Variants in ITGB6 observed in about 807,000 individuals in gnomAD.
ITGB6 encodes the protein integrin beta-6.
In ITGB6, 80 loss-of-function variants were observed where a neutral mutation model predicts 84.5. That is an observed-to-expected ratio of 0.95 (90% CI 0.79 to 1.14). ITGB6 has a LOEUF of 1.14. Among genes scored for constraint, ITGB6 ranks in the 50% most tolerant of loss-of-function variants. The probability of loss-of-function intolerance (pLI) is 0.00; values close to 1 mark genes in which losing one functional copy is unlikely to be tolerated. For synonymous variants in ITGB6, 383 were observed against 354.9 expected (o/e 1.08, Z -0.89); for missense variants, 1,006 against 968.0 (o/e 1.04, Z -0.52).
intron 4 of ITGB6, among the ~76,000 whole-genome samples, chr2:160,187,199 A>AT (rs889840283): frequency 1.1e-4 from 17 of 152,084 alleles, no homozygotes; most frequent in Non-Finnish European, 1.6e-4. Flanking sequence ...AACAAATGTG[A>AT]TTTTTTTTGA....
chr2:160,157,759 A>C (rs1024382006), intron 7 of ITGB6, among the ~76,000 whole-genome samples: 19 of 151,850 alleles, frequency 1.3e-4, no homozygotes, highest in African/African-American at 4.6e-4. Flanking sequence ...AAAAAAAAAA[A>C]AAAAAAAAAA....
Position 160,195,406 on chromosome 2 carries a change from C to CA in ITGB6, c.555dup (p.Val186CysfsTer14), listed in dbSNP as rs1686292135. 1.9e-6 allele frequency: 3 copies of CA among 1,614,042 alleles called. No individual in the cohort carries two copies. The highest frequency in any genetic ancestry group is 3.3e-5 in the Admixed American group (2 of 60,004). On this transcript the variant is annotated frameshift_variant, in exon 4 of 15. Coordinates refer to ENST00000283249, the MANE Select transcript of ITGB6 (RefSeq NM_000888.5). LOFTEE classifies it high-confidence loss of function. ...GCAATTTCTTCTGGTGTTGTTTTCA[C>CA]AAAAGGGGATACAGGTTTTTCCACA...
chr2:160,185,738 T>C (rs1466694191), intron 4 of ITGB6, among the ~76,000 whole-genome samples: 1 of 152,156 alleles, frequency 6.6e-6, no homozygotes, highest in Non-Finnish European at 1.5e-5. Context: ...AAAGCTACAG[T>C]AACCAAAACA....
intron 4 of ITGB6, among the ~76,000 whole-genome samples, chr2:160,179,779 C>G (rs940191531): frequency 6.6e-6 from 1 of 151,690 alleles, no homozygotes; most frequent in African/African-American, 2.4e-5. Flanking sequence ...ACAAAAAACA[C>G]CACAGTATAC....
At chr2:160,163,276 A>G (rs1032220890) in intron 7 of ITGB6, among the ~76,000 whole-genome samples, 25 of 152,172 alleles carry the variant, frequency 1.6e-4, no homozygotes, top group African/African-American at 5.3e-4. Context: ...TTTACAGGGA[A>G]TTCATCTATT....
At chr2:160,133,408 G>GAAATTCAT (rs1683551924) in intron 10 of ITGB6, among the ~76,000 whole-genome samples, 1 of 152,120 alleles carries the variant, frequency 6.6e-6, no homozygotes, top group Non-Finnish European at 1.5e-5. Context: ...GATTCATAAA[G>GAAATTCAT]AAAGTCCTTA....
intron 8 of ITGB6, 52 bp from the exon 9 acceptor site, chr2:160,138,251 C>T: frequency 6.7e-7 from 1 of 1,500,724 alleles, no homozygotes; most frequent in Non-Finnish European, 8.9e-7. Flanking sequence ...AAAAATATAG[C>T]CAGAAGAAGA....
At chr2:160,190,278 A>G (rs1686089824) in intron 4 of ITGB6, among the ~76,000 whole-genome samples, 1 of 152,002 alleles carries the variant, frequency 6.6e-6, no homozygotes, top group African/African-American at 2.4e-5. Flanking sequence ...TGGGTGCAGC[A>G]CACCAACATG....
chr2:160,110,417 A>C (rs1682440424), intron 13 of ITGB6, among the ~76,000 whole-genome samples: 1 of 152,162 alleles, frequency 6.6e-6, no homozygotes, highest in African/African-American at 2.4e-5. Flanking sequence ...TAATATTACT[A>C]TTGTTACAGC....
In ITGB6 at chr2:160,141,863, T is replaced by A. The variant is rs536760965; in HGVS notation, c.1107+119A>T. The stretch of plus-strand genomic sequence containing the variant: ...ATTTTGGCTGCATTCATGCAGAGAC[T>A]TTTTTTGGATAAGCACTCTCTCTAC... On this transcript the variant is annotated intron_variant, in intron 8 of 14. Transcript: ENST00000283249. The A allele has an allele frequency of 3.9e-5, 24 of 620,772 alleles. No homozygotes were observed. In the African/African-American group the frequency reaches 4.3e-4, roughly 11 times the overall value. The allele number at this position is 620,772 out of a possible 1,614,324, so 38.5% of individuals were successfully genotyped here. A position where few individuals can be genotyped will look rare whatever the true frequency, so the allele number is the denominator to read the frequency against.
At chr2:160,121,852 T>A (rs896266941) in intron 12 of ITGB6, among the ~76,000 whole-genome samples, 1 of 151,054 alleles carries the variant, frequency 6.6e-6, no homozygotes, top group African/African-American at 2.4e-5. Context: ...ACTCACAGCA[T>A]AACTGAGGAA....
intron 7 of ITGB6, among the ~76,000 whole-genome samples, chr2:160,159,518 C>T (rs1005801659): frequency 3.3e-5 from 5 of 152,148 alleles, no homozygotes; most frequent in African/African-American, 1.2e-4. Flanking sequence ...GCCTGCTACC[C>T]ATAGAATAGC....
chr2:160,164,388 G>A (rs971933186), intron 7 of ITGB6, among the ~76,000 whole-genome samples: 2 of 152,144 alleles, frequency 1.3e-5, no homozygotes, highest in South Asian at 2.1e-4. Context: ...TTTAGATCTC[G>A]CATTATTGAA....
At position 160,145,439 on chromosome 2, in the gene ITGB6, T is replaced by C. The variant is rs187855721; in HGVS notation, c.1018-3368A>G. 2.3e-3 allele frequency among the ~76,000 whole-genome samples: 343 copies of C among 152,320 alleles called. 1 individual carries two copies. Among genetic ancestry groups the C allele is most frequent in the African/African-American group, 7.7e-3 (321 of 41,564 alleles). ...AACTTCCTTCTTCAAGTCCTATTTA[T>C]CTCTTCACTCGGCCCCATCTCCAAA... On this transcript the variant is annotated intron_variant, in intron 7 of 14. Coordinates refer to ENST00000283249, the MANE Select transcript of ITGB6 (RefSeq NM_000888.5).
chr2:160,186,420 C>T (rs1337443643), intron 4 of ITGB6, among the ~76,000 whole-genome samples: 2 of 152,028 alleles, frequency 1.3e-5, no homozygotes, highest in African/African-American at 2.4e-5. Flanking sequence ...AATGAGATAC[C>T]ATCTCATGCC....
intron 4 of ITGB6, 57 bp downstream of exon 4, chr2:160,195,312 G>C: frequency 1.2e-6 from 2 of 1,605,272 alleles, no homozygotes; most frequent in South Asian, 2.2e-5. Flanking sequence ...AGCTCAGAGC[G>C]GGAGTATCTC....
intron 11 of ITGB6, 105 bp downstream of exon 11, chr2:160,126,274 C>T: frequency 9.4e-7 from 1 of 1,062,016 alleles, no homozygotes; most frequent in Non-Finnish European, 1.4e-6. Context: ...GTTTGGAGAC[C>T]AAACCAGCAA....
In ITGB6 at chr2:160,151,371, G is replaced by A. The variant is rs916393173; in HGVS notation, c.1018-9300C>T. Reference sequence around the variant, plus strand: ...CTGGGTACATAACAAAATGAAGGCAGAAATAAAGATGTTCTTTGAAACCAA... The same window carrying A: ...CTGGGTACATAACAAAATGAAGGCAAAAATAAAGATGTTCTTTGAAACCAA... On this transcript the variant is annotated intron_variant, in intron 7 of 14. Transcript: ENST00000283249. Among the ~76,000 whole-genome samples, 2 of 152,142 alleles carry A rather than the reference G, an allele frequency of 1.3e-5. 1 individual carries two copies. The highest frequency in any genetic ancestry group is 4.1e-4 in the South Asian group (2 of 4,828).
rs1385780826 is a variant in ITGB6 at position 160,126,407 on chromosome 2, T to C, written c.1855A>G (p.Thr619Ala). The C allele has an allele frequency of 6.2e-7, 1 of 1,614,050 alleles. No individual in the cohort carries two copies. The highest frequency in any genetic ancestry group is 8.5e-7 in the Non-Finnish European group (1 of 1,180,012). The change falls in exon 11 of 15, where the codon ACC becomes GCC. Residue 619 changes from threonine (T) to alanine (A), a missense_variant. Coordinates refer to ENST00000283249, the MANE Select transcript of ITGB6 (RefSeq NM_000888.5). ...TTAGAGTTACAGGGGTCACCACAGG[T>C]AGGACATCGTTCACAGGTTGGTCCT... ...ASGPTCERCP[T>A]CGDPCNSKRS... is the part of the protein sequence containing the mutation.
Sources: allele counts gnomAD v4.1 joint callset (sites outside exome capture counted in the v4.1 genomes callset), GRCh38; gene constraint gnomAD v4.1.1; transcripts MANE v1.5; gene names NCBI Gene and HGNC (gene_info 2026-07-23, HGNC 2026-07-21).